Variants in FHIT observed in about 807,000 individuals in gnomAD.
FHIT encodes the protein bis(5'-adenosyl)-triphosphatase.
FHIT carries 19 observed loss-of-function variants against 17.9 expected under a neutral mutation model. That is an observed-to-expected ratio of 1.06 (90% confidence interval 0.74 to 1.56). The LOEUF (loss-of-function observed/expected upper bound fraction) is 1.56. FHIT is among the 40% of genes most tolerant of loss of function. The pLI, the probability that FHIT is intolerant of heterozygous loss-of-function variation, is 0.00. For missense variants in FHIT, 248 were observed against 189.2 expected, an observed-to-expected ratio of 1.31 and a Z score of -1.82; for synonymous variants, 81 against 69.7, an observed-to-expected ratio of 1.16 and a Z score of -0.81.
intron 3 of FHIT, among the ~76,000 whole-genome samples, chr3:60,871,474 C>A (rs1704414130): frequency 6.6e-6 from 1 of 152,098 alleles, no homozygotes; most frequent in Non-Finnish European, 1.5e-5. Flanking sequence ...ACTTTTTCAG[C>A]ACTAAACATG....
intron 5 of FHIT, among the ~76,000 whole-genome samples, chr3:60,143,967 C>G (rs1700135815): frequency 6.6e-6 from 1 of 152,028 alleles, no homozygotes; most frequent in Admixed American, 6.6e-5. Flanking sequence ...AAAGAGAGAC[C>G]AACGGCTTCC....
intron 2 of FHIT, among the ~76,000 whole-genome samples, chr3:61,093,244 GGAGA>G (rs57916294): frequency 6.6e-6 from 1 of 150,820 alleles, no homozygotes. Context: ...TTCTATGTAT[GGAGA>G]GAGAGAGAGA....
At chr3:60,771,789 C>A (rs1196326301) in intron 4 of FHIT, among the ~76,000 whole-genome samples, 1 of 152,300 alleles carries the variant, frequency 6.6e-6, no homozygotes, top group East Asian at 1.9e-4. Context: ...AGCAGTGCTT[C>A]TCATTTATCT....
intron 5 of FHIT, among the ~76,000 whole-genome samples, chr3:60,332,144 T>C (rs895910107): frequency 1.3e-5 from 2 of 152,212 alleles, no homozygotes; most frequent in African/African-American, 4.8e-5. Flanking sequence ...TATTTGGTAT[T>C]CACAGCTACC....
chr3:60,406,620 C>T (rs1701868045), intron 5 of FHIT, among the ~76,000 whole-genome samples: 2 of 133,390 alleles, frequency 1.5e-5, no homozygotes, highest in African/African-American at 5.7e-5. Context: ...TATGGACTTT[C>T]ATTTGAAAGT....
At chr3:61,083,361 C>T (rs1308701736) in intron 2 of FHIT, among the ~76,000 whole-genome samples, 6 of 152,142 alleles carry the variant, frequency 3.9e-5, no homozygotes, top group African/African-American at 7.2e-5. Flanking sequence ...GAGGCCGAGG[C>T]GGGCGGATCA....
intron 8 of FHIT, among the ~76,000 whole-genome samples, chr3:59,874,660 T>A (rs555846321): frequency 1.6e-5 from 2 of 125,952 alleles, no homozygotes; most frequent in South Asian, 6.1e-4. Context: ...GGCTGCTTGC[T>A]TAGGTTTTGT....
At chr3:59,832,901 C>A (rs758483063) in intron 8 of FHIT, among the ~76,000 whole-genome samples, 11 of 152,146 alleles carry the variant, frequency 7.2e-5, no homozygotes, top group Non-Finnish European at 1.5e-4. Flanking sequence ...AGCTCCGAGT[C>A]CTTTGAGCCC....
At chr3:60,054,147 TTA>T (rs1306094604) in intron 5 of FHIT, among the ~76,000 whole-genome samples, 1 of 152,258 alleles carries the variant, frequency 6.6e-6, no homozygotes, top group Non-Finnish European at 1.5e-5. Context: ...TTTTCCTGTT[TTA>T]ATCATAGAAT....
At chr3:61,208,879 C>T (rs537546904) in intron 1 of FHIT, among the ~76,000 whole-genome samples, 15 of 151,968 alleles carry the variant, frequency 9.9e-5, no homozygotes, top group Non-Finnish European at 1.3e-4. Flanking sequence ...CTGGTTATTT[C>T]GCTCATTAGT....
intron 4 of FHIT, among the ~76,000 whole-genome samples, chr3:60,795,671 C>T (rs1344404571): frequency 1.3e-5 from 2 of 152,064 alleles, no homozygotes; most frequent in African/African-American, 4.8e-5. Context: ...TGCGCCACTA[C>T]CCCTGTCTAA....
intron 5 of FHIT, among the ~76,000 whole-genome samples, chr3:60,111,796 C>A: frequency 6.6e-6 from 1 of 152,284 alleles, no homozygotes; most frequent in Middle Eastern, 3.4e-3. Flanking sequence ...ATCCACATAC[C>A]GAGCCTTCTG....
At chr3:60,373,535 G>A (rs1319286232) in intron 5 of FHIT, among the ~76,000 whole-genome samples, 5 of 152,000 alleles carry the variant, frequency 3.3e-5, no homozygotes, top group African/African-American at 1.2e-4. Flanking sequence ...AAAAACAATG[G>A]GAAGCCAAGA....
intron 8 of FHIT, among the ~76,000 whole-genome samples, chr3:59,909,968 A>G (rs1704789201): frequency 6.6e-6 from 1 of 152,192 alleles, no homozygotes; most frequent in Non-Finnish European, 1.5e-5. Context: ...ATGTGCTTCC[A>G]TTCCATTCTC....
chr3:60,207,966 G>A (rs766709566), intron 5 of FHIT, among the ~76,000 whole-genome samples: 1 of 152,160 alleles, frequency 6.6e-6, no homozygotes, highest in Admixed American at 6.5e-5. Context: ...GAGCTGGTAA[G>A]AGCAAACTGC....
At chr3:60,705,872 T>C (rs1735460) in intron 4 of FHIT, among the ~76,000 whole-genome samples, 145,996 of 152,274 alleles carry the variant, frequency 0.96, 70,073 homozygotes, top group East Asian at 1. Flanking sequence ...ACCTCTCTGT[T>C]GTATAATAAA....
chr3:59,867,515 A>G (rs1225864531), intron 8 of FHIT, among the ~76,000 whole-genome samples: 3 of 151,980 alleles, frequency 2.0e-5, no homozygotes, highest in African/African-American at 7.3e-5. Context: ...CTGATCCTAA[A>G]TCTATCACTG....
At chr3:60,855,022 G>T (rs1473839043) in intron 3 of FHIT, among the ~76,000 whole-genome samples, 1 of 152,228 alleles carries the variant, frequency 6.6e-6, no homozygotes, top group African/African-American at 2.4e-5. Flanking sequence ...TAGGGAGTCA[G>T]TCATCTCATT....
chr3:59,919,482 T>C (rs1177692238), intron 8 of FHIT, among the ~76,000 whole-genome samples: 1 of 152,116 alleles, frequency 6.6e-6, no homozygotes, highest in African/African-American at 2.4e-5. Context: ...CCTCTACAAG[T>C]CTTCCTTTTT....
Sources: gnomAD v4.1 joint callset for allele counts (sites outside exome capture counted in the v4.1 genomes callset) on GRCh38, gnomAD v4.1.1 for gene constraint, MANE v1.5 for transcripts, NCBI Gene and HGNC (gene_info 2026-07-23, HGNC 2026-07-21) for gene names.